Variants in TRDN observed in about 807,000 individuals in gnomAD.
TRDN encodes triadin in skeletal muscle.
Under a neutral mutation model 149.7 loss-of-function variants are expected in TRDN, and 161 were observed. The observed-to-expected ratio is 1.08, with a 90% CI of 0.95 to 1.23. TRDN has a LOEUF of 1.23. Ranked by LOEUF, TRDN falls within the 50% of genes most tolerant of loss-of-function variation. The probability of loss-of-function intolerance (pLI) is 0.00; values close to 1 mark genes in which losing one functional copy is unlikely to be tolerated. For missense variants in TRDN, 896 were observed against 823.5 expected (o/e 1.09, Z -1.08); for synonymous variants, 294 against 250.5 (o/e 1.17, Z -1.64).
intron 26 of TRDN, among the ~76,000 whole-genome samples, chr6:123,277,620 T>C (rs1475682256): frequency 6.6e-6 from 1 of 152,064 alleles, no homozygotes; most frequent in Non-Finnish European, 1.5e-5. Context: ...AGGCAGAGTT[T>C]GAAAGTGATG....
At chr6:123,366,112 C>A (rs754859497) in intron 20 of TRDN, 23 bp downstream of exon 20, 2 of 1,598,548 alleles carry the variant, frequency 1.3e-6, no homozygotes, top group Admixed American at 3.3e-5. Context: ...GTTATGACAT[C>A]TTTATCTTTA....
At chr6:123,243,679 TA>T (rs1382379850) in intron 38 of TRDN, among the ~76,000 whole-genome samples, 2 of 151,916 alleles carry the variant, frequency 1.3e-5, no homozygotes, top group Non-Finnish European at 2.9e-5. Context: ...GAAAATCAAG[TA>T]AAAGAAAGAA....
intron 7 of TRDN, among the ~76,000 whole-genome samples, chr6:123,504,270 T>G (rs7746287): frequency 0.85 from 128,489 of 151,984 alleles, 54,357 homozygotes; most frequent in East Asian, 0.88. Flanking sequence ...GAAAGACAAT[T>G]TCCATACCAA....
chr6:123,351,425 T>C, intron 21 of TRDN: 1 of 984,858 alleles, frequency 1.0e-6, no homozygotes, highest in Non-Finnish European at 1.2e-6. Flanking sequence ...ACTTTATATT[T>C]CAGAAACTAA....
chr6:123,329,450 G>A (rs1779583951), intron 23 of TRDN, among the ~76,000 whole-genome samples: 1 of 152,054 alleles, frequency 6.6e-6, no homozygotes, highest in East Asian at 1.9e-4. Context: ...TGTTACTAAA[G>A]ATTTATTTGA....
At chr6:123,389,795 T>C (rs182876921) in intron 13 of TRDN, among the ~76,000 whole-genome samples, 5 of 152,314 alleles carry the variant, frequency 3.3e-5, no homozygotes, top group African/African-American at 1.2e-4. Context: ...AGCAGATTTA[T>C]ATTTACAATG....
intron 9 of TRDN, among the ~76,000 whole-genome samples, chr6:123,468,593 T>C (rs1776970180): frequency 2.0e-5 from 3 of 152,176 alleles, no homozygotes; most frequent in Admixed American, 2.0e-4. Context: ...ATGAATGAGA[T>C]TACTAAAAAT....
At chr6:123,475,338 C>T (rs1184794288) in intron 9 of TRDN, among the ~76,000 whole-genome samples, 1 of 146,960 alleles carries the variant, frequency 6.8e-6, no homozygotes, top group Non-Finnish European at 1.5e-5. Context: ...AACACATACA[C>T]TCTCCCAAGA....
chr6:123,348,949 A>G (rs932634924), intron 21 of TRDN, among the ~76,000 whole-genome samples: 1 of 152,084 alleles, frequency 6.6e-6, no homozygotes, highest in African/African-American at 2.4e-5. Context: ...CAATCCCATC[A>G]ATGTCTGAAT....
At chr6:123,554,324 T>C (rs1204800366) in intron 2 of TRDN, among the ~76,000 whole-genome samples, 1 of 152,154 alleles carries the variant, frequency 6.6e-6, no homozygotes, top group Non-Finnish European at 1.5e-5. Context: ...ACAACAATTA[T>C]TGAGCACTGA....
rs1384377138 is a variant in TRDN at position 123,463,354 on chromosome 6, A to T, written c.931+1552T>A. 6.0e-4 allele frequency among the ~76,000 whole-genome samples: 86 copies of T among 142,682 alleles called. 1 individual carries two copies. Among genetic ancestry groups the T allele is most frequent in the Non-Finnish European group, 1.0e-3 (66 of 64,170 alleles). The allele number at this position is 142,682 out of a possible 152,430, so 93.6% of individuals were successfully genotyped here. A position where few individuals can be genotyped will look rare whatever the true frequency, so the allele number is the denominator to read the frequency against. On this transcript the variant is annotated intron_variant, in intron 10 of 40. Transcript: ENST00000334268. ...CTCCGTCTCAAGAAAAAAAAAAAAT[A>T]AATAATAAATAAATAAATAAATAAA...
chr6:123,360,020 A>T (rs58321501), intron 20 of TRDN, among the ~76,000 whole-genome samples: 12,735 of 151,816 alleles, frequency 0.084, 1,767 homozygotes, highest in African/African-American at 0.29. Context: ...TTTTTAATTT[A>T]TTTTTTATTA....
At chr6:123,302,091 A>G (rs1473068436) in intron 24 of TRDN, among the ~76,000 whole-genome samples, 1 of 151,082 alleles carries the variant, frequency 6.6e-6, no homozygotes, top group Non-Finnish European at 1.5e-5. Context: ...TTTTATATAT[A>G]TATGTTTCTC....
intron 10 of TRDN, among the ~76,000 whole-genome samples, chr6:123,455,430 GTGTGTGTGTC>G (rs1407850648): frequency 2.2e-4 from 33 of 149,838 alleles, no homozygotes; most frequent in African/African-American, 7.5e-4. Flanking sequence ...GTGTGTGTGT[GTGTGTGTGTC>G]TGTGTGTGTT....
intron 24 of TRDN, among the ~76,000 whole-genome samples, chr6:123,286,205 T>C (rs1294694087): frequency 6.6e-6 from 1 of 152,010 alleles, no homozygotes; most frequent in African/African-American, 2.4e-5. Context: ...ATTATTATAC[T>C]ACAAGGATAC....
chr6:123,223,672 T>TCTTCCTTCCTTCCTTCCTTCCTTC (rs59071931), intron 39 of TRDN, among the ~76,000 whole-genome samples: 71 of 105,788 alleles, frequency 6.7e-4, no homozygotes, highest in Admixed American at 3.6e-3. Context: ...GCCTTCCATT[T>TCTTCCTTCCTTCCTTCCTTCCTTC]CTTCCTTCCT....
chr6:123,259,533 T>A, intron 35 of TRDN, 91 bp downstream of exon 35: 1 of 853,562 alleles, frequency 1.2e-6, no homozygotes, highest in Non-Finnish European at 1.8e-6. Flanking sequence ...TCATCAACTG[T>A]TTTTAAATCA....
At chr6:123,308,292 T>C (rs895679259) in intron 24 of TRDN, among the ~76,000 whole-genome samples, 5 of 151,908 alleles carry the variant, frequency 3.3e-5, no homozygotes, top group African/African-American at 1.2e-4. Flanking sequence ...TCCATGTCTT[T>C]GTTATTGTGA....
chr6:123,411,212 A>C (rs1321946113), intron 12 of TRDN, among the ~76,000 whole-genome samples: 2 of 151,614 alleles, frequency 1.3e-5, no homozygotes, highest in Non-Finnish European at 2.9e-5. Flanking sequence ...ACGCCCAGCT[A>C]ATTTTTGTAT....
Sources: gnomAD v4.1 joint callset for allele counts (sites outside exome capture counted in the v4.1 genomes callset) on GRCh38, gnomAD v4.1.1 for gene constraint, MANE v1.5 for transcripts, NCBI Gene and HGNC (gene_info 2026-07-23, HGNC 2026-07-21) for gene names.